DACH2: variants seen among roughly 807,000 people sequenced by gnomAD.
DACH2 encodes dachshund family transcription factor 2, also known as dachshund homolog 2.
In DACH2, 17 loss-of-function variants were observed where a neutral mutation model predicts 35.8. The observed-to-expected ratio is 0.48, with a 90% CI of 0.33 to 0.71. DACH2 has a LOEUF of 0.71. Ranked by LOEUF, DACH2 falls within the 30% of genes least tolerant of loss-of-function variation. The pLI is 0.02. For missense variants in DACH2, 469 were observed against 472.7 expected (o/e 0.99, Z 0.07); for synonymous variants, 195 against 177.3 (o/e 1.10, Z -0.79).
intron 1 of DACH2, among the ~76,000 whole-genome samples, chrX:86,201,794 G>C (rs2032163570): frequency 9.3e-6 from 1 of 107,219 alleles, no homozygotes; most frequent in African/African-American, 3.7e-5. Flanking sequence ...CTTGGCAAGT[G>C]CTTGCTATGA....
At chrX:86,383,822 A>G (rs2036084123) in intron 2 of DACH2, among the ~76,000 whole-genome samples, 2 of 108,986 alleles carry the variant, frequency 1.8e-5, no homozygotes, top group Admixed American at 2.0e-4. Context: ...CAAGTGTCAC[A>G]TCACCCAATG....
chrX:86,307,728 C>G (rs2034718455), intron 1 of DACH2, among the ~76,000 whole-genome samples: 1 of 111,242 alleles, frequency 9.0e-6, no homozygotes, highest in Non-Finnish European at 1.9e-5. Flanking sequence ...TGGTGGGCCC[C>G]TAGAGGTGAG....
chrX:86,662,974 C>T (rs923681986), intron 4 of DACH2, among the ~76,000 whole-genome samples: 2 of 110,408 alleles, frequency 1.8e-5, no homozygotes, highest in Non-Finnish European at 3.8e-5. Flanking sequence ...AATGATTACA[C>T]GTAGGATAAA....
chrX:86,390,328 TTTAAAA>T (rs2036181841), intron 2 of DACH2, among the ~76,000 whole-genome samples: 1 of 111,821 alleles, frequency 8.9e-6, no homozygotes, highest in South Asian at 3.8e-4. Context: ...TGTTAGGTTG[TTTAAAA>T]TTATGGTGAA....
intron 1 of DACH2, chrX:86,345,515 C>A: frequency 9.6e-6 from 2 of 208,931 alleles, no homozygotes; most frequent in Non-Finnish European, 9.0e-6. Context: ...AGGAAAGAAG[C>A]AAAAATGAAA....
chrX:86,378,433 A>G (rs939263477), intron 2 of DACH2, among the ~76,000 whole-genome samples: 1 of 110,218 alleles, frequency 9.1e-6, no homozygotes, highest in African/African-American at 3.3e-5. Context: ...GGTGGGGACT[A>G]TGGTGAACCA....
At chrX:86,566,103 C>A (rs2039289290) in intron 3 of DACH2, among the ~76,000 whole-genome samples, 1 of 111,783 alleles carries the variant, frequency 8.9e-6, no homozygotes, top group Non-Finnish European at 1.9e-5. Flanking sequence ...CTAAACTAAA[C>A]AATTTGCTTG....
chrX:86,499,194 G>A lies in DACH2; in HGVS notation c.528-15085G>A, dbSNP rs963701808. ...AAATAAGGAAATTGTTGCTTGAAGTGCAACTGGTTTAGCATGCTATTCATT... is the reference window on the plus strand; with the variant it reads ...AAATAAGGAAATTGTTGCTTGAAGTACAACTGGTTTAGCATGCTATTCATT... On this transcript the variant is annotated intron_variant, in intron 2 of 11. Coordinates refer to ENST00000373125, the MANE Select transcript of DACH2 (RefSeq NM_053281.3). 2.7e-5 allele frequency among the ~76,000 whole-genome samples: 3 copies of A among 111,978 alleles called. No homozygotes were observed. The Admixed American group carries it at 2.9e-4, about 11-fold the overall frequency.
chrX:86,715,480 G>A (rs1254176110), intron 6 of DACH2, among the ~76,000 whole-genome samples: 2 of 110,886 alleles, frequency 1.8e-5, no homozygotes, highest in African/African-American at 6.6e-5. Flanking sequence ...GGTTTTGAAT[G>A]CTTTTTCTTC....
chrX:86,667,471 GAAA>G (rs2040692384), intron 4 of DACH2, among the ~76,000 whole-genome samples: 2 of 98,665 alleles, frequency 2.0e-5, no homozygotes, highest in African/African-American at 7.5e-5. Context: ...ATGAATGAAA[GAAA>G]GAAAGAAGGA....
chrX:86,150,620 G>A (rs1275769246), intron 1 of DACH2, among the ~76,000 whole-genome samples: 4 of 111,813 alleles, frequency 3.6e-5, no homozygotes, highest in Admixed American at 2.8e-4. Context: ...GGCTTACAAA[G>A]CTGGTTTATT....
chrX:86,290,511 G>C (rs2034260699), intron 1 of DACH2, among the ~76,000 whole-genome samples: 1 of 97,935 alleles, frequency 1.0e-5, no homozygotes, highest in Admixed American at 1.2e-4. Context: ...CCTATGTCCT[G>C]AATGGTAATG....
chrX:86,314,049 G>A (rs937242186), intron 1 of DACH2, among the ~76,000 whole-genome samples: 4 of 110,595 alleles, frequency 3.6e-5, no homozygotes, highest in Non-Finnish European at 7.5e-5. Flanking sequence ...CTTAATAAAC[G>A]TGTGTGTTCT....
intron 2 of DACH2, among the ~76,000 whole-genome samples, chrX:86,391,530 G>A (rs1322251356): frequency 2.7e-5 from 3 of 110,314 alleles, no homozygotes; most frequent in Non-Finnish European, 3.8e-5. Context: ...AGTTAACCTC[G>A]TCTTTCTACA....
At chrX:86,822,701 AT>A (rs1439410618) in intron 11 of DACH2, among the ~76,000 whole-genome samples, 4 of 111,648 alleles carry the variant, frequency 3.6e-5, no homozygotes, top group African/African-American at 6.5e-5. Flanking sequence ...GCTTCTTTAC[AT>A]CATAGTTAAT....
chrX:86,628,195 T>C (rs191241173), intron 3 of DACH2, among the ~76,000 whole-genome samples: 39 of 112,492 alleles, frequency 3.5e-4, no homozygotes, highest in Non-Finnish European at 6.6e-4. Context: ...TTCTAGTTTA[T>C]GGTAGTAAGC....
chrX:86,773,202 G>A (rs1267094119), intron 7 of DACH2, among the ~76,000 whole-genome samples: 1 of 111,717 alleles, frequency 9.0e-6, no homozygotes, highest in Non-Finnish European at 1.9e-5. Context: ...GTTTTTACTG[G>A]CAACGTAGTA....
chrX:86,633,695 T>C (rs780509533), intron 3 of DACH2, among the ~76,000 whole-genome samples: 6 of 111,107 alleles, frequency 5.4e-5, no homozygotes, highest in East Asian at 5.7e-4. Context: ...TGAACATAGA[T>C]ACAAAAACCC....
At position 86,832,427 on chromosome X, in the gene DACH2, CTCATT is replaced by C. The variant is rs2042622435; in HGVS notation, c.*276_*280del. 1 of 286,430 alleles carries C rather than the reference CTCATT, an allele frequency of 3.5e-6. No individual in the cohort carries two copies. The highest frequency in any genetic ancestry group is 6.0e-6 in the Non-Finnish European group (1 of 166,703). 23.6% of individuals were successfully genotyped at this position (286,430 alleles called of 1,213,427 possible). A position where few individuals can be genotyped will look rare whatever the true frequency, so the allele number is the denominator to read the frequency against. ...TGACCATATTTGATGCTTTTCTATG[CTCATT>C]TCAACTTGGCTTTTTGTCTTTTAAA... On this transcript the variant is annotated 3_prime_UTR_variant, in exon 12 of 12. Coordinates refer to ENST00000373125, the MANE Select transcript of DACH2 (RefSeq NM_053281.3).
Sources: allele counts gnomAD v4.1 joint callset (sites outside exome capture counted in the v4.1 genomes callset), GRCh38; gene constraint gnomAD v4.1.1; transcripts MANE v1.5; gene names NCBI Gene and HGNC (gene_info 2026-07-23, HGNC 2026-07-21).